CNOT1: variants seen among roughly 807,000 people sequenced by gnomAD.
The protein encoded by CNOT1 is CCR4-NOT transcription complex subunit 1.
In CNOT1, 15 loss-of-function variants were observed where a neutral mutation model predicts 273.8. The observed-to-expected ratio is 0.05, with a 90% CI of 0.04 to 0.08. The LOEUF is 0.08. CNOT1 is among the 10% of genes least tolerant of loss of function. The pLI is 1.00. For missense variants in CNOT1, 1,644 were observed against 2,912.2 expected, an observed-to-expected ratio of 0.56 and a Z score of 10.02; for synonymous variants, 1,022 against 1,005.5, an observed-to-expected ratio of 1.02 and a Z score of -0.31.
In CNOT1 at chr16:58,590,978, GACA is replaced by G. The variant is rs551157198; in HGVS notation, c.103-2075_103-2073del. On this transcript the variant is annotated intron_variant, in intron 2 of 48. Transcript: ENST00000317147. ...GGAGAAGTACAGGCAAAGAATTTCT[GACA>G]ACATTATCTGTTAACAAAAAGAAAG... 4.6e-5 allele frequency among the ~76,000 whole-genome samples: 7 copies of G among 152,254 alleles called. No homozygotes were observed. The East Asian group carries it at 1.4e-3, about 29-fold the overall frequency.
chr16:58,574,482 T>A (rs1436808145), intron 16 of CNOT1, 127 bp downstream of exon 16: 1 of 882,830 alleles, frequency 1.1e-6, no homozygotes, highest in South Asian at 2.1e-5. Context: ...AGTATAGGAC[T>A]TTGGACTTAA....
At position 58,545,382 on chromosome 16, in the gene CNOT1, T is replaced by C. The variant is rs1379384140; in HGVS notation, c.4116A>G (p.Pro1372=). 4.3e-6 allele frequency: 7 copies of C among 1,614,002 alleles called. No homozygotes were observed. Among genetic ancestry groups the C allele is most frequent in the Middle Eastern group, 1.7e-4 (1 of 6,056 alleles). ...TTACTGTTGGATTCAGAGTAATGTG[T>C]GGTGCCAAGCCCGCAAGGGAATAGA... ...INVYSLAGLA[P]HITLNPTIPL... is the part of the protein sequence containing the mutation. The change falls in exon 30 of 49, where the codon CCA becomes CCG. Residue 1372 remains proline, a synonymous_variant. Coordinates refer to ENST00000317147, the MANE Select transcript of CNOT1 (RefSeq NM_016284.5).
intron 45 of CNOT1, 131 bp from the exon 46 acceptor site, chr16:58,525,490 T>C: frequency 8.1e-6 from 6 of 742,566 alleles, no homozygotes; most frequent in South Asian, 1.9e-5. Flanking sequence ...TTGCTTGAAT[T>C]TGTGAGGTTA....
Position 58,554,915 on chromosome 16 carries a change from G to A in CNOT1, c.2891+336C>T, listed in dbSNP as rs574885668. On this transcript the variant is annotated intron_variant, in intron 21 of 48. Transcript: ENST00000317147. ...TGCACCACTGCACTCTAGCCTGGGG[G>A]ACAGAGCAAGACTCCATCTCAAAAA... 3.2e-3 allele frequency among the ~76,000 whole-genome samples: 348 copies of A among 108,508 alleles called. 2 individuals are homozygous for A. The highest frequency in any genetic ancestry group is 0.012 in the African/African-American group (320 of 26,488). 71.2% of individuals were successfully genotyped at this position (108,508 alleles called of 152,430 possible). A position where few individuals can be genotyped will look rare whatever the true frequency, so the allele number is the denominator to read the frequency against.
At position 58,526,368 on chromosome 16, in the gene CNOT1, C is replaced by T. The variant is rs146600132; in HGVS notation, c.6454-230G>A. Among the ~76,000 whole-genome samples the T allele has an allele frequency of 4.2e-3, 632 of 151,956 alleles. 5 individuals are homozygous for T. Among genetic ancestry groups the T allele is most frequent in the African/African-American group, 0.014 (591 of 41,420 alleles). ...TATTTCCTTCCCAGAGGCAAGATACCTTTTGGGCAAAGGTCTAATTTGCAC... is the reference window on the plus strand; with the variant it reads ...TATTTCCTTCCCAGAGGCAAGATACTTTTTGGGCAAAGGTCTAATTTGCAC... On this transcript the variant is annotated intron_variant, in intron 44 of 48. Coordinates refer to ENST00000317147, the MANE Select transcript of CNOT1 (RefSeq NM_016284.5).
At chr16:58,573,477 A>ATTTTT (rs34706886) in intron 16 of CNOT1, among the ~76,000 whole-genome samples, 2 of 112,928 alleles carry the variant, frequency 1.8e-5, no homozygotes, top group Non-Finnish European at 3.4e-5. Context: ...CTGTTTTGCA[A>ATTTTT]TTTTTTTTTT....
chr16:58,565,941 A>G (rs2041026943), intron 16 of CNOT1, among the ~76,000 whole-genome samples: 1 of 149,446 alleles, frequency 6.7e-6, no homozygotes, highest in Admixed American at 6.7e-5. Context: ...CCCTGCCTCA[A>G]AAAAAAAAAA....
intron 1 of CNOT1, among the ~76,000 whole-genome samples, chr16:58,604,153 A>C (rs1276044243): frequency 6.6e-6 from 1 of 152,206 alleles, no homozygotes; most frequent in African/African-American, 2.4e-5. Flanking sequence ...AGTGCATACT[A>C]CACACAGCTG....
At chr16:58,553,732 C>A in intron 22 of CNOT1, 50 bp downstream of exon 22, 1 of 1,554,272 alleles carries the variant, frequency 6.4e-7, no homozygotes, top group Non-Finnish European at 8.6e-7. Context: ...AATATTAAAC[C>A]CTCCAAATAC....
intron 46 of CNOT1, 92 bp downstream of exon 46, chr16:58,525,087 A>C (rs1173618258): frequency 1.7e-6 from 2 of 1,187,698 alleles, no homozygotes; most frequent in Non-Finnish European, 2.5e-6. Context: ...TTCCTTCACT[A>C]TTGTGGCTTG....
intron 1 of CNOT1, among the ~76,000 whole-genome samples, chr16:58,602,568 A>AAC (rs1201081458): frequency 6.8e-6 from 1 of 147,170 alleles, no homozygotes; most frequent in Non-Finnish European, 1.5e-5. Context: ...AAAAAAAAAA[A>AAC]AAAAAAAAAC....
intron 42 of CNOT1, among the ~76,000 whole-genome samples, chr16:58,531,183 T>C (rs1488026873): frequency 6.6e-6 from 1 of 152,198 alleles, no homozygotes; most frequent in African/African-American, 2.4e-5. Context: ...ATAATTGCAT[T>C]TAATATGTTG....
In CNOT1 at chr16:58,554,935, C is replaced by CAAAAAAAAAAAAAA. The variant is rs56180546; in HGVS notation, c.2891+302_2891+315dup. Among the ~76,000 whole-genome samples, 31 of 78,900 alleles carry CAAAAAAAAAAAAAA rather than the reference C, an allele frequency of 3.9e-4. 1 individual carries two copies. The highest frequency in any genetic ancestry group is 6.5e-4 in the African/African-American group (13 of 19,980). 51.8% of individuals were successfully genotyped at this position (78,900 alleles called of 152,430 possible). A position where few individuals can be genotyped will look rare whatever the true frequency, so the allele number is the denominator to read the frequency against. On this transcript the variant is annotated intron_variant, in intron 21 of 48. Coordinates refer to ENST00000317147, the MANE Select transcript of CNOT1 (RefSeq NM_016284.5). ...TGGGGGACAGAGCAAGACTCCATCT[C>CAAAAAAAAAAAAAA]AAAAAAAAAAAAAAAAAAGCTTCAG...
chr16:58,548,414 G>A (rs1370543436), intron 25 of CNOT1: 33 of 449,644 alleles, frequency 7.3e-5, no homozygotes, highest in Non-Finnish European at 1.1e-4. Context: ...TAAAAAACAT[G>A]GTCTTGAAAC....
At position 58,587,789 on chromosome 16, in the gene CNOT1, G is replaced by A. The variant is rs2041924636; in HGVS notation, c.300C>T (p.His100=). 6.2e-7 allele frequency: 1 copy of A among 1,613,762 alleles called. No homozygotes were observed. The highest frequency in any genetic ancestry group is 8.5e-7 in the Non-Finnish European group (1 of 1,179,958). The change falls in exon 4 of 49, where the codon CAC becomes CAT. Residue 100 remains histidine, a synonymous_variant. Transcript: ENST00000317147. ...TAATAGTAATACCAACCTTCTGATA[G>A]TGCAATGGATTATCAATGGCATAGG... ...TLSYAIDNPL[H]YQKSLKPAPH... is the part of the protein sequence containing the mutation.
chr16:58,534,521 A>G, intron 39 of CNOT1, 126 bp from the exon 40 acceptor site: 2 of 1,071,030 alleles, frequency 1.9e-6, no homozygotes, highest in Non-Finnish European at 2.6e-6. Flanking sequence ...TAATTCTTAC[A>G]TTGTAATAAA....
intron 11 of CNOT1, 30 bp downstream of exon 11, chr16:58,581,315 C>G (rs1311492113): frequency 6.4e-7 from 1 of 1,571,386 alleles, no homozygotes; most frequent in Non-Finnish European, 8.6e-7. Context: ...GTTTTATTCC[C>G]CCATCTATAG....
At chr16:58,604,287 T>G (rs1347106760) in intron 1 of CNOT1, among the ~76,000 whole-genome samples, 2 of 152,196 alleles carry the variant, frequency 1.3e-5, no homozygotes, top group East Asian at 3.8e-4. Context: ...TCCAACAAGT[T>G]CATCACAAAA....
chr16:58,531,403 C>T (rs2039774608), intron 42 of CNOT1, among the ~76,000 whole-genome samples: 1 of 152,132 alleles, frequency 6.6e-6, no homozygotes, highest in African/African-American at 2.4e-5. Flanking sequence ...TGTTGTATTA[C>T]CAATTAGATA....
Sources: gnomAD v4.1 joint callset for allele counts (sites outside exome capture counted in the v4.1 genomes callset) on GRCh38, gnomAD v4.1.1 for gene constraint, MANE v1.5 for transcripts, NCBI Gene and HGNC (gene_info 2026-07-23, HGNC 2026-07-21) for gene names.